Variants in FRMPD4 observed in about 807,000 individuals in gnomAD.
The protein encoded by FRMPD4 is FERM and PDZ domain-containing protein 4.
Under a neutral mutation model 94.1 loss-of-function variants are expected in FRMPD4, and 22 were observed. The observed-to-expected ratio is 0.23, with a 90% CI of 0.17 to 0.33. The LOEUF (loss-of-function observed/expected upper bound fraction) is 0.33. Among genes scored for constraint, FRMPD4 ranks in the 10% least tolerant of loss-of-function variants. FRMPD4 has a pLI of 1.00. For synonymous variants in FRMPD4, 631 were observed against 548.6 expected (o/e 1.15, Z -2.10); for missense variants, 1,111 against 1,339.9 (o/e 0.83, Z 2.67).
At chrX:12,687,129 C>T (rs1284327176) in intron 7 of FRMPD4, among the ~76,000 whole-genome samples, 1 of 111,729 alleles carries the variant, frequency 9.0e-6, no homozygotes, top group Non-Finnish European at 1.9e-5. Context: ...AGCATTTCTG[C>T]AAAGACCCAT....
chrX:12,117,016 C>G (rs775989800), intron 3 of FRMPD4, among the ~76,000 whole-genome samples: 2 of 111,857 alleles, frequency 1.8e-5, no homozygotes, highest in South Asian at 7.5e-4. Flanking sequence ...ACTGGTTAAT[C>G]TTAGTTTAAG....
chrX:12,298,134 GT>G lies in FRMPD4; in HGVS notation c.41+159128del, dbSNP rs1484044472. ...TGTTGATAAGATTAAAAGTAACCAGGTTTTTTGCTGTTTATGTTTGTTTGTT... is the reference window on the plus strand; with the variant it reads ...TGTTGATAAGATTAAAAGTAACCAGGTTTTTGCTGTTTATGTTTGTTTGTT... On this transcript the variant is annotated intron_variant, in intron 1 of 16. Transcript: ENST00000675598. Among the ~76,000 whole-genome samples, 11 of 111,657 alleles carry G rather than the reference GT, an allele frequency of 9.9e-5. No individual in the cohort carries two copies. The East Asian group carries it at 3.1e-3, about 31-fold the overall frequency.
intron 1 of FRMPD4, among the ~76,000 whole-genome samples, chrX:12,208,366 A>G (rs990422346): frequency 1.7e-4 from 19 of 111,097 alleles, no homozygotes; most frequent in Middle Eastern, 4.3e-3. Flanking sequence ...ATTAGCAGAT[A>G]AAGACTACTA....
At chrX:12,355,206 T>C (rs2055877639) in intron 1 of FRMPD4, among the ~76,000 whole-genome samples, 1 of 110,263 alleles carries the variant, frequency 9.1e-6, no homozygotes, top group African/African-American at 3.3e-5. Flanking sequence ...TATAAGATCT[T>C]ACTCTGTTGC....
chrX:12,549,882 T>C (rs2058516106), intron 2 of FRMPD4, among the ~76,000 whole-genome samples: 2 of 112,323 alleles, frequency 1.8e-5, no homozygotes, highest in Non-Finnish European at 3.8e-5. Flanking sequence ...ATGCTCCCAG[T>C]TCAGCATTTT....
At chrX:12,671,673 G>A (rs1204992683) in intron 4 of FRMPD4, among the ~76,000 whole-genome samples, 3 of 110,381 alleles carry the variant, frequency 2.7e-5, no homozygotes, top group South Asian at 4.0e-4. Context: ...ACCATGGTAC[G>A]TGTATACCTA....
rs140796518 is a variant in FRMPD4 at position 12,502,732 on chromosome X, T to G, written c.158+3936T>G. Among the ~76,000 whole-genome samples the G allele has an allele frequency of 4.9e-3, 551 of 111,796 alleles. 3 individuals carry two copies. Among genetic ancestry groups the G allele is most frequent in the Non-Finnish European group, 8.7e-3 (460 of 53,029 alleles). The stretch of plus-strand genomic sequence containing the variant: ...ATTGACGTAAGTATTAATACAGAGA[T>G]AGATGGGTATAGATACATAGATGGA... On this transcript the variant is annotated intron_variant, in intron 2 of 16. Coordinates refer to ENST00000675598, the MANE Select transcript of FRMPD4 (RefSeq NM_001368397.1).
At chrX:12,611,176 T>C (rs1602206264) in intron 3 of FRMPD4, among the ~76,000 whole-genome samples, 1 of 111,895 alleles carries the variant, frequency 8.9e-6, no homozygotes, top group Non-Finnish European at 1.9e-5. Flanking sequence ...CCAGAAACAA[T>C]GTGCTTTTAT....
chrX:12,343,846 T>G (rs1052342208), intron 1 of FRMPD4, among the ~76,000 whole-genome samples: 6 of 111,903 alleles, frequency 5.4e-5, no homozygotes, highest in African/African-American at 1.6e-4. Flanking sequence ...ATTACTAAGT[T>G]CATGAACAAA....
At chrX:12,586,552 A>G (rs2058930031) in intron 2 of FRMPD4, among the ~76,000 whole-genome samples, 1 of 112,748 alleles carries the variant, frequency 8.9e-6, no homozygotes, top group East Asian at 2.8e-4. Context: ...TAAGCGGACC[A>G]TGCAGACATA....
intron 1 of FRMPD4, among the ~76,000 whole-genome samples, chrX:11,851,176 G>A (rs1190896689): frequency 9.0e-6 from 1 of 111,462 alleles, no homozygotes; most frequent in Non-Finnish European, 1.9e-5. Context: ...AAGATCAGTC[G>A]TTTTCATGAA....
chrX:12,039,785 C>A (rs1460024595), intron 3 of FRMPD4, among the ~76,000 whole-genome samples: 2 of 108,781 alleles, frequency 1.8e-5, no homozygotes, highest in African/African-American at 3.4e-5. Context: ...GCCTGACCAA[C>A]GTGGAGAAAC....
At chrX:12,642,719 T>C (rs1458511757) in intron 4 of FRMPD4, among the ~76,000 whole-genome samples, 1 of 112,511 alleles carries the variant, frequency 8.9e-6, no homozygotes, top group East Asian at 2.8e-4. Context: ...CTGGGTAAGA[T>C]GGGGAAACCC....
At chrX:12,104,902 C>T (rs1020827786) in intron 3 of FRMPD4, among the ~76,000 whole-genome samples, 3 of 111,647 alleles carry the variant, frequency 2.7e-5, no homozygotes, top group Non-Finnish European at 3.8e-5. Flanking sequence ...TTTCTTGAGT[C>T]GGCATACATG....
intron 1 of FRMPD4, among the ~76,000 whole-genome samples, chrX:12,479,773 T>A (rs765679805): frequency 1.8e-5 from 2 of 110,509 alleles, no homozygotes; most frequent in East Asian, 5.7e-4. Context: ...GTATTGGGAT[T>A]ATAGGCATGA....
At chrX:12,300,962 C>T (rs745316575) in intron 1 of FRMPD4, among the ~76,000 whole-genome samples, 1 of 111,999 alleles carries the variant, frequency 8.9e-6, no homozygotes, top group Non-Finnish European at 1.9e-5. Flanking sequence ...CTGACCTCAG[C>T]GCACTCCCTT....
intron 4 of FRMPD4, among the ~76,000 whole-genome samples, chrX:12,625,946 A>T (rs2059341381): frequency 8.9e-6 from 1 of 111,978 alleles, no homozygotes; most frequent in Non-Finnish European, 1.9e-5. Flanking sequence ...AAAGTTTATT[A>T]AAAAATAATA....
chrX:11,835,151 C>T (rs891469128), intron 1 of FRMPD4, among the ~76,000 whole-genome samples: 12 of 111,689 alleles, frequency 1.1e-4, no homozygotes, highest in African/African-American at 3.9e-4. Flanking sequence ...TAACCACTGA[C>T]CACTGACTTC....
At chrX:12,334,596 C>A (rs2055486094) in intron 1 of FRMPD4, among the ~76,000 whole-genome samples, 1 of 107,299 alleles carries the variant, frequency 9.3e-6, no homozygotes, top group Admixed American at 9.9e-5. Context: ...ATTTGCAGAA[C>A]CCTCTTCATT....
Sources: allele counts gnomAD v4.1 joint callset (sites outside exome capture counted in the v4.1 genomes callset), GRCh38; gene constraint gnomAD v4.1.1; transcripts MANE v1.5; gene names NCBI Gene and HGNC (gene_info 2026-07-23, HGNC 2026-07-21).